Variants in TRPC7 observed in about 807,000 individuals in gnomAD.
The protein encoded by TRPC7 is short transient receptor potential channel 7.
TRPC7 carries 42 observed loss-of-function variants against 90.1 expected under a neutral mutation model. The observed-to-expected ratio is 0.47, with a 90% CI of 0.36 to 0.60. The LOEUF is 0.60. Ranked by LOEUF, TRPC7 falls within the 20% of genes least tolerant of loss-of-function variation. TRPC7 has a pLI of 0.00. For missense variants in TRPC7, 955 were observed against 1,112.3 expected (o/e 0.86, Z 2.01); for synonymous variants, 451 against 436.3 (o/e 1.03, Z -0.42).
At chr5:136,252,124 G>A (rs544129921) in intron 5 of TRPC7, among the ~76,000 whole-genome samples, 1 of 152,180 alleles carries the variant, frequency 6.6e-6, no homozygotes, top group Non-Finnish European at 1.5e-5. Flanking sequence ...GTTTTCATTC[G>A]TTGATAGATT....
intron 2 of TRPC7, among the ~76,000 whole-genome samples, chr5:136,319,995 A>G (rs1419353570): frequency 6.6e-6 from 1 of 152,110 alleles, no homozygotes; most frequent in Admixed American, 6.5e-5. Flanking sequence ...TACACTGGAG[A>G]GTCCAAAATG....
intron 2 of TRPC7, among the ~76,000 whole-genome samples, chr5:136,327,534 G>C (rs772296109): frequency 2.0e-5 from 3 of 152,162 alleles, no homozygotes; most frequent in Non-Finnish European, 4.4e-5. Flanking sequence ...GAGGGACTGT[G>C]ACTTCCATAG....
chr5:136,245,064 G>A (rs1756294788), intron 7 of TRPC7, among the ~76,000 whole-genome samples: 1 of 152,218 alleles, frequency 6.6e-6, no homozygotes, highest in Non-Finnish European at 1.5e-5. Flanking sequence ...CAACAATCCT[G>A]TGAAGTTGGC....
intron 7 of TRPC7, among the ~76,000 whole-genome samples, chr5:136,241,771 G>A (rs879189956): frequency 2.6e-5 from 4 of 152,052 alleles, no homozygotes; most frequent in Admixed American, 2.6e-4. Flanking sequence ...GGCCAGGCTG[G>A]TCTTAAACTC....
At chr5:136,219,252 AG>A (rs1755374369) in intron 10 of TRPC7, among the ~76,000 whole-genome samples, 1 of 152,244 alleles carries the variant, frequency 6.6e-6, no homozygotes, top group Non-Finnish European at 1.5e-5. Flanking sequence ...GATCTGAGCC[AG>A]GGTTTCTGTA....
intron 3 of TRPC7, among the ~76,000 whole-genome samples, chr5:136,310,966 T>G (rs151098552): frequency 1.6e-4 from 25 of 152,304 alleles, no homozygotes; most frequent in African/African-American, 5.3e-4. Flanking sequence ...CCTGATAATA[T>G]ATGTGCTTTC....
intron 2 of TRPC7, among the ~76,000 whole-genome samples, chr5:136,320,054 A>G (rs955178974): frequency 1.3e-5 from 2 of 151,916 alleles, no homozygotes; most frequent in African/African-American, 4.8e-5. Context: ...CCAACTTTAT[A>G]TCTCCACTTG....
intron 5 of TRPC7, among the ~76,000 whole-genome samples, chr5:136,260,052 G>A (rs1756806116): frequency 6.6e-6 from 1 of 152,162 alleles, no homozygotes; most frequent in Admixed American, 6.5e-5. Context: ...GTTGGGTTTG[G>A]CCTTCCTATA....
intron 2 of TRPC7, among the ~76,000 whole-genome samples, chr5:136,346,138 G>C (rs1054505152): frequency 2.0e-5 from 3 of 152,112 alleles, no homozygotes; most frequent in Non-Finnish European, 4.4e-5. Flanking sequence ...CAAATGATGA[G>C]TTAATGGGTG....
At chr5:136,357,454 G>C (rs1012445470) in intron 1 of TRPC7, 69 bp from the exon 2 acceptor site, 41 of 1,444,196 alleles carry the variant, frequency 2.8e-5, no homozygotes, top group Non-Finnish European at 3.5e-5. Flanking sequence ...ACACAAAAAT[G>C]GTTGAGATAC....
intron 1 of TRPC7, among the ~76,000 whole-genome samples, chr5:136,360,853 T>A (rs1436411943): frequency 6.6e-6 from 1 of 152,198 alleles, no homozygotes; most frequent in Non-Finnish European, 1.5e-5. Context: ...CTGTGGCCTT[T>A]TTATTAGCTC....
intron 2 of TRPC7, among the ~76,000 whole-genome samples, chr5:136,347,719 A>T (rs1460897855): frequency 6.6e-6 from 1 of 152,284 alleles, no homozygotes; most frequent in East Asian, 1.9e-4. Context: ...AAGGTGAAAA[A>T]TTGGAATTGA....
chr5:136,361,286 A>G (rs1298584247), intron 1 of TRPC7, among the ~76,000 whole-genome samples: 1 of 152,228 alleles, frequency 6.6e-6, no homozygotes, highest in African/African-American at 2.4e-5. Flanking sequence ...AAATACCCCA[A>G]TTAAGACACT....
At chr5:136,266,853 C>T (rs926080116) in intron 4 of TRPC7, among the ~76,000 whole-genome samples, 2 of 152,182 alleles carry the variant, frequency 1.3e-5, no homozygotes, top group African/African-American at 2.4e-5. Flanking sequence ...TGTTCTCAAC[C>T]TTTCTTGTAT....
At chr5:136,350,577 A>G (rs1164761178) in intron 2 of TRPC7, among the ~76,000 whole-genome samples, 1 of 152,244 alleles carries the variant, frequency 6.6e-6, no homozygotes, top group Non-Finnish European at 1.5e-5. Flanking sequence ...TGGGAAAAGC[A>G]TTCCCCTAGA....
chr5:136,283,556 A>G (rs1315270857), intron 3 of TRPC7, among the ~76,000 whole-genome samples: 2 of 152,174 alleles, frequency 1.3e-5, no homozygotes, highest in Non-Finnish European at 2.9e-5. Flanking sequence ...CCATCTGAGT[A>G]TGAGTTAGCC....
In TRPC7 at chr5:136,345,891, G is replaced by A. The variant is rs573033660; in HGVS notation, c.780+10717C>T. On this transcript the variant is annotated intron_variant, in intron 2 of 11. Transcript: ENST00000513104. Reference sequence around the variant, plus strand: ...TAATTTTTGTATAAGCTGTAAGGAAGGGATCCAGTTTCAGCTTTCTACATA... The same window carrying A: ...TAATTTTTGTATAAGCTGTAAGGAAAGGATCCAGTTTCAGCTTTCTACATA... 3.1e-3 allele frequency among the ~76,000 whole-genome samples: 468 copies of A among 152,274 alleles called. 1 individual carries two copies. Among genetic ancestry groups the A allele is most frequent in the African/African-American group, 0.011 (447 of 41,542 alleles).
At chr5:136,328,357 C>G (rs925347121) in intron 2 of TRPC7, among the ~76,000 whole-genome samples, 11 of 152,154 alleles carry the variant, frequency 7.2e-5, no homozygotes, top group African/African-American at 2.4e-4. Context: ...TTTATATGCT[C>G]TCTGCAGGAG....
chr5:136,321,195 C>G lies in TRPC7; in HGVS notation c.781-5416G>C, dbSNP rs1047730388. Among the ~76,000 whole-genome samples the G allele has an allele frequency of 2.0e-5, 3 of 152,148 alleles. No individual in the cohort carries two copies. In the East Asian group the frequency reaches 5.8e-4, roughly 29 times the overall value. ...TGATCTTTCCCTCTCATCCTGTTGC[C>G]TCTTGGGGAGCAGCGTGTTTCCTTC... is the stretch of plus-strand genomic sequence containing the variant. On this transcript the variant is annotated intron_variant, in intron 2 of 11. Transcript: ENST00000513104.
Sources: gnomAD v4.1 joint callset for allele counts (sites outside exome capture counted in the v4.1 genomes callset) on GRCh38, gnomAD v4.1.1 for gene constraint, MANE v1.5 for transcripts, NCBI Gene and HGNC (gene_info 2026-07-23, HGNC 2026-07-21) for gene names.